EYS: variants seen among roughly 807,000 people sequenced by gnomAD.
EYS encodes the protein protein eyes shut homolog.
In EYS, 250 loss-of-function variants were observed where a neutral mutation model predicts 282.1. The observed-to-expected ratio is 0.89, with a 90% CI of 0.80 to 0.98. The LOEUF (loss-of-function observed/expected upper bound fraction) is 0.98. Among genes scored for constraint, EYS ranks in the 50% least tolerant of loss-of-function variants. EYS has a pLI of 0.00. For missense variants in EYS, 4,016 were observed against 3,709.0 expected (o/e 1.08, Z -2.15); for synonymous variants, 1,355 against 1,282.9 (o/e 1.06, Z -1.20).
chr6:64,548,315 A>G (rs1764948078), intron 26 of EYS, among the ~76,000 whole-genome samples: 1 of 152,210 alleles, frequency 6.6e-6, no homozygotes, highest in African/African-American at 2.4e-5. Flanking sequence ...TGACCCAGCA[A>G]TTACATTACT....
chr6:65,267,750 C>T (rs747349767), intron 12 of EYS, among the ~76,000 whole-genome samples: 22 of 151,804 alleles, frequency 1.4e-4, no homozygotes, highest in Admixed American at 6.6e-5. Flanking sequence ...AATCAAAATA[C>T]CAAAACTTTA....
chr6:65,290,975 C>T (rs75779636), intron 12 of EYS, among the ~76,000 whole-genome samples: 2 of 151,240 alleles, frequency 1.3e-5, no homozygotes, highest in East Asian at 1.9e-4. Flanking sequence ...TAATATTGTA[C>T]TTTGTCTTAG....
At chr6:64,191,846 T>C (rs1384635606) in intron 31 of EYS, among the ~76,000 whole-genome samples, 1 of 147,998 alleles carries the variant, frequency 6.8e-6, no homozygotes, top group Non-Finnish European at 1.5e-5. Flanking sequence ...ATATACCCAG[T>C]AATGGGATGG....
At chr6:65,458,831 G>T (rs1312369589) in intron 5 of EYS, among the ~76,000 whole-genome samples, 1 of 151,974 alleles carries the variant, frequency 6.6e-6, no homozygotes, top group Non-Finnish European at 1.5e-5. Context: ...ACTGAATTTT[G>T]CCAGACACTG....
chr6:64,769,530 G>C (rs1773461394), intron 22 of EYS, among the ~76,000 whole-genome samples: 1 of 152,048 alleles, frequency 6.6e-6, no homozygotes, highest in Admixed American at 6.6e-5. Context: ...TGGGTGTCCA[G>C]ATGGATTTGG....
intron 31 of EYS, among the ~76,000 whole-genome samples, chr6:64,149,259 T>C (rs1304620971): frequency 6.6e-6 from 1 of 152,220 alleles, no homozygotes; most frequent in Non-Finnish European, 1.5e-5. Context: ...CATGCATTTG[T>C]GGGCTTCTGA....
chr6:64,305,578 C>A (rs890882124), intron 30 of EYS, among the ~76,000 whole-genome samples: 1 of 152,058 alleles, frequency 6.6e-6, no homozygotes, highest in African/African-American at 2.4e-5. Flanking sequence ...CAGAAATAAA[C>A]CCTTATGTAT....
chr6:64,695,587 C>CT (rs70999162), intron 22 of EYS, among the ~76,000 whole-genome samples: 59,806 of 141,648 alleles, frequency 0.42, 13,004 homozygotes, highest in South Asian at 0.51. Flanking sequence ...TTTCTTTTAA[C>CT]TTTTTTTTTT....
At chr6:65,631,898 G>A (rs892833579) in intron 2 of EYS, among the ~76,000 whole-genome samples, 2 of 152,202 alleles carry the variant, frequency 1.3e-5, no homozygotes, top group Admixed American at 6.5e-5. Context: ...AATTCAGTTA[G>A]TGGCTAAAGT....
At chr6:65,474,473 A>C (rs1765329449) in intron 5 of EYS, among the ~76,000 whole-genome samples, 1 of 152,114 alleles carries the variant, frequency 6.6e-6, no homozygotes, top group Non-Finnish European at 1.5e-5. Flanking sequence ...ATGACAATGT[A>C]TGATTTCTGA....
At chr6:63,775,661 C>A (rs1370836892) in intron 40 of EYS, among the ~76,000 whole-genome samples, 1 of 152,078 alleles carries the variant, frequency 6.6e-6, no homozygotes. Context: ...TTCTTAAACA[C>A]TTTTGAAAAG....
intron 22 of EYS, among the ~76,000 whole-genome samples, chr6:64,665,797 C>T (rs1217939414): frequency 6.6e-6 from 1 of 152,106 alleles, no homozygotes; most frequent in Non-Finnish European, 1.5e-5. Flanking sequence ...CAAAGCTGGG[C>T]CTCCATATTT....
chr6:64,376,003 T>C (rs546578144), intron 29 of EYS, among the ~76,000 whole-genome samples: 180 of 152,290 alleles, frequency 1.2e-3, no homozygotes, highest in African/African-American at 4.0e-3. Flanking sequence ...ATATTCAATA[T>C]CCTGCTATTC....
intron 34 of EYS, among the ~76,000 whole-genome samples, chr6:63,987,199 A>G (rs1165011463): frequency 6.6e-6 from 1 of 151,726 alleles, no homozygotes. Flanking sequence ...CAACACAGCT[A>G]CATATTTCCT....
chr6:65,410,011 C>T (rs1156704311), intron 5 of EYS, among the ~76,000 whole-genome samples: 2 of 151,850 alleles, frequency 1.3e-5, no homozygotes, highest in Non-Finnish European at 2.9e-5. Flanking sequence ...ATGTATTTCT[C>T]CATGTTATGA....
chr6:65,299,307 A>G (rs770264536), intron 11 of EYS, among the ~76,000 whole-genome samples: 9 of 152,098 alleles, frequency 5.9e-5, no homozygotes, highest in Non-Finnish European at 1.2e-4. Context: ...TAATTTTTCT[A>G]CAATAAATAA....
intron 22 of EYS, among the ~76,000 whole-genome samples, chr6:64,758,236 C>T (rs993169794): frequency 2.6e-5 from 4 of 152,090 alleles, no homozygotes; most frequent in Non-Finnish European, 5.9e-5. Context: ...CTCCCATTTA[C>T]CTCACTAGCC....
intron 31 of EYS, among the ~76,000 whole-genome samples, chr6:64,084,164 C>T (rs1305257975): frequency 6.6e-6 from 1 of 152,210 alleles, no homozygotes; most frequent in African/African-American, 2.4e-5. Flanking sequence ...AACACTATGA[C>T]TCATGAGCAT....
chr6:65,159,557 T>G (rs1409325158), intron 12 of EYS, among the ~76,000 whole-genome samples: 2 of 150,828 alleles, frequency 1.3e-5, no homozygotes, highest in Non-Finnish European at 3.0e-5. Flanking sequence ...CTCTTCGTTT[T>G]CAGTTACCAG....
Sources: allele counts gnomAD v4.1 joint callset (sites outside exome capture counted in the v4.1 genomes callset), GRCh38; gene constraint gnomAD v4.1.1; transcripts MANE v1.5; gene names NCBI Gene and HGNC (gene_info 2026-07-23, HGNC 2026-07-21).